SLC24A3: variants seen among roughly 807,000 people sequenced by gnomAD.
SLC24A3 encodes solute carrier family 24 member 3.
A neutral mutation model predicts 75.8 loss-of-function variants in SLC24A3; 28 were observed. The ratio of observed to expected loss-of-function variants is 0.37; its 90% CI spans 0.27 to 0.51. The LOEUF (loss-of-function observed/expected upper bound fraction) is 0.51, where lower values mean the gene tolerates loss of function less well. SLC24A3 is among the 20% of genes least tolerant of loss of function. The pLI, the probability that SLC24A3 is intolerant of heterozygous loss-of-function variation, is 0.94. For missense variants in SLC24A3, 663 were observed against 847.8 expected, an observed-to-expected ratio of 0.78 and a Z score of 2.71; for synonymous variants, 372 against 334.1, an observed-to-expected ratio of 1.11 and a Z score of -1.24.
chr20:19,604,457 G>A (rs539825205), intron 6 of SLC24A3, among the ~76,000 whole-genome samples: 66 of 152,328 alleles, frequency 4.3e-4, no homozygotes, highest in Middle Eastern at 3.4e-3. Context: ...TGGAGAGCAG[G>A]GTCCTGGGTG....
Position 19,383,851 on chromosome 20 carries a change from A to G in SLC24A3, c.271+102764A>G, listed in dbSNP as rs571494495. On this transcript the variant is annotated intron_variant, in intron 2 of 16. Coordinates refer to ENST00000328041, the MANE Select transcript of SLC24A3 (RefSeq NM_020689.4). The stretch of plus-strand genomic sequence containing the variant: ...CTCCGCTTATAAAGGCACTGATTCC[A>G]TCATGAGCATGCCACCCTCTTAACC... Among the ~76,000 whole-genome samples the G allele has an allele frequency of 5.3e-5, 8 of 152,252 alleles. No individual in the cohort carries two copies. In the South Asian group the frequency reaches 1.7e-3, roughly 32 times the overall value.
At chr20:19,660,053 C>T (rs1165829937) in intron 7 of SLC24A3, among the ~76,000 whole-genome samples, 1 of 152,200 alleles carries the variant, frequency 6.6e-6, no homozygotes, top group African/African-American at 2.4e-5. Context: ...CCCTGCCCCT[C>T]TGACCCATCA....
intron 12 of SLC24A3, among the ~76,000 whole-genome samples, chr20:19,692,822 C>T (rs186962595): frequency 6.6e-6 from 1 of 152,284 alleles, no homozygotes; most frequent in Non-Finnish European, 1.5e-5. Flanking sequence ...TCCGCTGACG[C>T]TTTATTATCG....
chr20:19,627,841 A>G (rs925841637), intron 6 of SLC24A3, among the ~76,000 whole-genome samples: 2 of 152,186 alleles, frequency 1.3e-5, no homozygotes, highest in African/African-American at 4.8e-5. Context: ...GGAGATGTAT[A>G]TTAGCACAGG....
At chr20:19,404,665 C>T (rs898767104) in intron 2 of SLC24A3, among the ~76,000 whole-genome samples, 5 of 152,124 alleles carry the variant, frequency 3.3e-5, no homozygotes, top group Admixed American at 1.3e-4. Context: ...GCTGATGGGG[C>T]CCAGAGGTCG....
chr20:19,580,447 T>G (rs938649111), intron 4 of SLC24A3, among the ~76,000 whole-genome samples: 2 of 151,982 alleles, frequency 1.3e-5, no homozygotes, highest in African/African-American at 2.4e-5. Context: ...CCTCCATAAC[T>G]CTCCTTTGAT....
chr20:19,588,325 G>A (rs879121396), intron 6 of SLC24A3, among the ~76,000 whole-genome samples: 15 of 152,170 alleles, frequency 9.9e-5, no homozygotes, highest in Admixed American at 4.6e-4. Context: ...CTTTCATTTG[G>A]CTGGGAGAAT....
intron 1 of SLC24A3, among the ~76,000 whole-genome samples, chr20:19,271,457 T>C (rs951350869): frequency 6.6e-6 from 1 of 152,138 alleles, no homozygotes; most frequent in Non-Finnish European, 1.5e-5. Flanking sequence ...CAAGTAGAAC[T>C]ACCATTTGAT....
chr20:19,333,994 A>G (rs180886364), intron 2 of SLC24A3, among the ~76,000 whole-genome samples: 6 of 152,132 alleles, frequency 3.9e-5, no homozygotes, highest in East Asian at 3.9e-4. Flanking sequence ...TACATTTTCA[A>G]TGGTTAAAAT....
chr20:19,545,226 A>G (rs1408348465), intron 3 of SLC24A3, among the ~76,000 whole-genome samples: 3 of 152,184 alleles, frequency 2.0e-5, no homozygotes, highest in African/African-American at 7.2e-5. Flanking sequence ...AGTACATGCA[A>G]TTATCCAGCT....
At chr20:19,450,475 G>A (rs1390344956) in intron 2 of SLC24A3, among the ~76,000 whole-genome samples, 3 of 152,140 alleles carry the variant, frequency 2.0e-5, no homozygotes, top group Admixed American at 1.3e-4. Context: ...GGCAGAGGAA[G>A]TCTTCCCTCT....
chr20:19,420,315 A>C (rs1490870908), intron 2 of SLC24A3, among the ~76,000 whole-genome samples: 1 of 71,040 alleles, frequency 1.4e-5, no homozygotes. Context: ...TTATAGCAGC[A>C]TGATTTATAG....
chr20:19,595,458 T>C (rs968807428), intron 6 of SLC24A3, among the ~76,000 whole-genome samples: 8 of 152,142 alleles, frequency 5.3e-5, no homozygotes, highest in Non-Finnish European at 1.2e-4. Flanking sequence ...TCAGGGACTA[T>C]TCTAGGGGTG....
At chr20:19,572,727 A>T (rs1460994027) in intron 3 of SLC24A3, among the ~76,000 whole-genome samples, 4 of 152,168 alleles carry the variant, frequency 2.6e-5, no homozygotes, top group Non-Finnish European at 5.9e-5. Flanking sequence ...CAGAACCTGG[A>T]CTGTGAGACT....
Position 19,685,086 on chromosome 20 carries a change from C to A in SLC24A3, c.1063-14C>A. The A allele has an allele frequency of 6.3e-7, 1 of 1,593,606 alleles. No homozygotes were observed. The highest frequency in any genetic ancestry group is 1.7e-5 in the Admixed American group (1 of 58,736). On this transcript the variant is annotated splice_polypyrimidine_tract_variant and intron_variant, in intron 11 of 16. Transcript: ENST00000328041. ...CCCTCTGACCGTGGTAAGAGTGCGC[C>A]TTTCTCTTTCCAGAGACAAAGATTG... is the stretch of plus-strand genomic sequence containing the variant.
chr20:19,268,928 C>T (rs541944576), intron 1 of SLC24A3, among the ~76,000 whole-genome samples: 2 of 152,338 alleles, frequency 1.3e-5, no homozygotes, highest in Non-Finnish European at 2.9e-5. Flanking sequence ...TTCTTTGTCT[C>T]ATCAGAATGT....
At chr20:19,679,648 T>A (rs1464301921) in intron 9 of SLC24A3, among the ~76,000 whole-genome samples, 1 of 152,168 alleles carries the variant, frequency 6.6e-6, no homozygotes, top group Non-Finnish European at 1.5e-5. Context: ...CTATTTTCTT[T>A]AACATAACCA....
intron 2 of SLC24A3, among the ~76,000 whole-genome samples, chr20:19,406,232 G>C (rs1986644402): frequency 6.6e-6 from 1 of 151,800 alleles, no homozygotes; most frequent in Non-Finnish European, 1.5e-5. Flanking sequence ...GTGTGTGAGA[G>C]AGAGAGAAAG....
intron 1 of SLC24A3, among the ~76,000 whole-genome samples, chr20:19,274,541 G>T (rs1983425708): frequency 6.6e-6 from 1 of 152,102 alleles, no homozygotes; most frequent in Non-Finnish European, 1.5e-5. Flanking sequence ...AGCTCCTTTT[G>T]GGGGCTGCAA....
Sources: allele counts gnomAD v4.1 joint callset (sites outside exome capture counted in the v4.1 genomes callset), GRCh38; gene constraint gnomAD v4.1.1; transcripts MANE v1.5; gene names NCBI Gene and HGNC (gene_info 2026-07-23, HGNC 2026-07-21).